Variants in COL13A1 observed in about 807,000 individuals in gnomAD.
COL13A1 encodes collagen alpha-1(XIII) chain.
Under a neutral mutation model 130.9 loss-of-function variants are expected in COL13A1, and 89 were observed. The observed-to-expected ratio is 0.68, with a 90% CI of 0.57 to 0.81. The LOEUF is 0.81. COL13A1 is among the 30% of genes least tolerant of loss of function. The probability of loss-of-function intolerance (pLI) is 0.00; values close to 1 mark genes in which losing one functional copy is unlikely to be tolerated. For synonymous variants in COL13A1, 402 were observed against 341.6 expected (o/e 1.18, Z -1.95); for missense variants, 879 against 934.6 (o/e 0.94, Z 0.78).
chr10:69,895,504 C>T, intron 12 of COL13A1, 46 bp from the exon 13 acceptor site: 1 of 1,610,292 alleles, frequency 6.2e-7, no homozygotes, highest in Non-Finnish European at 8.5e-7. Context: ...AACAGGTACC[C>T]CCAACAAGTG....
rs78044490 is a variant in COL13A1, at chr10:69,908,037, G to A, written c.921+2215G>A. Among the ~76,000 whole-genome samples the A allele has an allele frequency of 3.7e-3, 567 of 152,320 alleles. 6 individuals carry two copies. The highest frequency in any genetic ancestry group is 0.013 in the African/African-American group (551 of 41,578). ...TCATAAGTGGCAGAGCAGGAGTTCA[G>A]TTCCAGGTCTGGGTCCTTCCCATGG... On this transcript the variant is annotated intron_variant, in intron 17 of 40. Transcript: ENST00000645393.
intron 14 of COL13A1, among the ~76,000 whole-genome samples, chr10:69,900,671 G>A (rs562078548): frequency 6.6e-6 from 1 of 152,304 alleles, no homozygotes; most frequent in Non-Finnish European, 1.5e-5. Context: ...CACTGAAAAA[G>A]GAAGCTTTAT....
intron 14 of COL13A1, among the ~76,000 whole-genome samples, chr10:69,901,031 A>G (rs1208272337): frequency 6.6e-6 from 1 of 152,212 alleles, no homozygotes; most frequent in Non-Finnish European, 1.5e-5. Flanking sequence ...CAGGATTCTG[A>G]GGAGGTTCCG....
intron 2 of COL13A1, among the ~76,000 whole-genome samples, chr10:69,849,166 C>T (rs186383767): frequency 3.3e-5 from 5 of 152,350 alleles, no homozygotes; most frequent in East Asian, 1.9e-4. Context: ...TTACAGAGAA[C>T]GGGTTTCTGA....
At chr10:69,831,067 T>A (rs994030765) in intron 2 of COL13A1, among the ~76,000 whole-genome samples, 1 of 152,250 alleles carries the variant, frequency 6.6e-6, no homozygotes, top group Admixed American at 6.5e-5. Context: ...TCTGAATGTC[T>A]GAAATATTTC....
chr10:69,835,478 C>T (rs1341643048), intron 2 of COL13A1, among the ~76,000 whole-genome samples: 1 of 152,118 alleles, frequency 6.6e-6, no homozygotes, highest in Non-Finnish European at 1.5e-5. Flanking sequence ...CTGGCAAGTT[C>T]CTGTTCAGCC....
chr10:69,925,858 A>G lies in COL13A1; in HGVS notation c.1384A>G (p.Asn462Asp). The change falls in exon 26 of 41, where the codon AAT becomes GAT. Residue 462 changes from asparagine to aspartate, a missense_variant. This residue lies in a region of COL13A1 where 715 missense variants were observed against 721.0 expected (regional missense o/e 0.99). Coordinates refer to ENST00000645393, the MANE Select transcript of COL13A1 (RefSeq NM_001368882.1). ...GEMVDYNGNINEALQEIRTLA... is the reference protein window; with the variant it reads ...GEMVDYNGNIDEALQEIRTLA... ...GATGGTGGATTACAATGGAAACATC[A>G]ATGAGGCTCTCCAGGTGAGCAGGGT... The G allele has an allele frequency of 6.3e-7, 1 of 1,597,022 alleles. No homozygotes were observed.
At chr10:69,813,216 C>T (rs1388744005) in intron 1 of COL13A1, among the ~76,000 whole-genome samples, 4 of 152,156 alleles carry the variant, frequency 2.6e-5, no homozygotes, top group African/African-American at 9.7e-5. Context: ...TTATCCTGCA[C>T]CAGGCCTAGA....
At chr10:69,924,713 G>A (rs1460556510) in intron 24 of COL13A1, among the ~76,000 whole-genome samples, 1 of 152,174 alleles carries the variant, frequency 6.6e-6, no homozygotes, top group Admixed American at 6.5e-5. Context: ...ACAAAGGGGA[G>A]TCCCTAACAA....
At chr10:69,925,550 A>C (rs978259952) in intron 25 of COL13A1, among the ~76,000 whole-genome samples, 4 of 152,096 alleles carry the variant, frequency 2.6e-5, no homozygotes, top group Non-Finnish European at 5.9e-5. Flanking sequence ...GGGAGGTCTG[A>C]CTGGCAGCAC....
chr10:69,831,766 G>T (rs1217240801), intron 2 of COL13A1, among the ~76,000 whole-genome samples: 2 of 152,174 alleles, frequency 1.3e-5, no homozygotes, highest in Non-Finnish European at 2.9e-5. Flanking sequence ...AATACCCACT[G>T]CCCTGGGAGA....
In COL13A1 at chr10:69,871,149, A is replaced by G. The variant is rs546818148; in HGVS notation, c.373-1035A>G. The stretch of plus-strand genomic sequence containing the variant: ...AGCCCACTCTGTGACATTAGGGGAC[A>G]GGAAGTTTAGAAGCAAGAGGAAGAG... On this transcript the variant is annotated intron_variant, in intron 3 of 40. Coordinates refer to ENST00000645393, the MANE Select transcript of COL13A1 (RefSeq NM_001368882.1). Among the ~76,000 whole-genome samples the G allele has an allele frequency of 2.6e-5, 4 of 152,168 alleles. No individual in the cohort carries two copies. In the South Asian group the frequency reaches 8.3e-4, roughly 32 times the overall value.
chr10:69,888,188 C>T, intron 8 of COL13A1, 116 bp from the exon 9 acceptor site: 2 of 1,199,118 alleles, frequency 1.7e-6, no homozygotes, highest in Non-Finnish European at 2.4e-6. Flanking sequence ...TCAAGCAGGG[C>T]CTTGAGCTCC....
rs368538150 is a variant in COL13A1 at position 69,876,400 on chromosome 10, C to T, written c.435+1237C>T. ...GGAGGGTCTGATCCTTAGAATGAAG[C>T]CCCAGAGGCCTGGGATATTTCAGAG... is the stretch of plus-strand genomic sequence containing the variant. On this transcript the variant is annotated intron_variant, in intron 5 of 40. Transcript: ENST00000645393. Among the ~76,000 whole-genome samples, 24 of 152,320 alleles carry T rather than the reference C, an allele frequency of 1.6e-4. No individual in the cohort carries two copies. In the East Asian group the frequency reaches 4.4e-3, roughly 28 times the overall value.
intron 1 of COL13A1, among the ~76,000 whole-genome samples, chr10:69,804,632 T>G (rs553704136): frequency 1.6e-3 from 238 of 145,162 alleles, no homozygotes; most frequent in Non-Finnish European, 3.1e-3. Context: ...CAATGTTCTT[T>G]GCGCTGTATC....
intron 2 of COL13A1, among the ~76,000 whole-genome samples, chr10:69,867,371 A>G (rs1389131821): frequency 2.0e-5 from 3 of 152,192 alleles, no homozygotes; most frequent in Non-Finnish European, 4.4e-5. Context: ...CCTGACGTGC[A>G]CAGTGAGGAC....
At chr10:69,941,160 A>G in intron 35 of COL13A1, 137 bp downstream of exon 35, 1 of 1,445,468 alleles carries the variant, frequency 6.9e-7, no homozygotes, top group Non-Finnish European at 9.6e-7. Context: ...GAAAGGTGCC[A>G]CTGATGCTCT....
intron 2 of COL13A1, among the ~76,000 whole-genome samples, chr10:69,858,895 C>T (rs1422798871): frequency 1.3e-5 from 2 of 152,204 alleles, no homozygotes; most frequent in African/African-American, 4.8e-5. Flanking sequence ...AGCTGTGTGA[C>T]ATTGGACAAA....
chr10:69,948,458 G>A (rs1373981705), intron 38 of COL13A1, among the ~76,000 whole-genome samples: 1 of 152,178 alleles, frequency 6.6e-6, no homozygotes, highest in Admixed American at 6.5e-5. Context: ...AGAGGGAGCA[G>A]CAGCGCCACC....
Sources: gnomAD v4.1 joint callset for allele counts (sites outside exome capture counted in the v4.1 genomes callset) on GRCh38, gnomAD v4.1.1 for gene constraint, gnomAD v4.1.1 regional missense constraint, MANE v1.5 for transcripts, NCBI Gene and HGNC (gene_info 2026-07-23, HGNC 2026-07-21) for gene names.